Variants in TMEM52B observed in about 807,000 individuals in gnomAD.
TMEM52B encodes the protein transmembrane protein 52B, also known as chromosome 12 open reading frame 59.
TMEM52B carries 11 observed loss-of-function variants against 16.1 expected under a neutral mutation model. The observed-to-expected ratio is 0.68, with a 90% CI of 0.43 to 1.13. TMEM52B has a LOEUF of 1.13. Among genes scored for constraint, TMEM52B ranks in the 50% most tolerant of loss-of-function variants. The pLI is 0.00. For synonymous variants in TMEM52B, 101 were observed against 93.8 expected, an observed-to-expected ratio of 1.08 and a Z score of -0.45; for missense variants, 243 against 230.4, an observed-to-expected ratio of 1.05 and a Z score of -0.35.
At chr12:10,184,318 T>A (rs1195874645) in intron 2 of TMEM52B, among the ~76,000 whole-genome samples, 2 of 152,194 alleles carry the variant, frequency 1.3e-5, no homozygotes, top group Non-Finnish European at 2.9e-5. Context: ...CGGAGTTCTG[T>A]GAGCTGCTCT....
chr12:10,190,208 C>T lies in TMEM52B; in HGVS notation c.*68C>T, dbSNP rs1360079864. 1 of 1,274,576 alleles carries T rather than the reference C, an allele frequency of 7.8e-7. No homozygotes were observed. Among genetic ancestry groups the T allele is most frequent in the Non-Finnish European group, 1.0e-6 (1 of 985,272 alleles). The allele number at this position is 1,274,576 out of a possible 1,614,324, so 79.0% of individuals were successfully genotyped here. A position where few individuals can be genotyped will look rare whatever the true frequency, so the allele number is the denominator to read the frequency against. ...AGTCTGTGGGAAAATGGAACACATA[C>T]TTTTCTAACCCTCAGAAGTTTTAAG... On this transcript the variant is annotated 3_prime_UTR_variant, in exon 5 of 5. Coordinates refer to ENST00000543484, the MANE Select transcript of TMEM52B (RefSeq NM_001384896.1).
chr12:10,181,742 G>A (rs1252821027), intron 1 of TMEM52B, among the ~76,000 whole-genome samples: 5 of 151,660 alleles, frequency 3.3e-5, no homozygotes, highest in Non-Finnish European at 7.4e-5. Flanking sequence ...AAGAGTTCAT[G>A]GCCGGGCGCG....
At chr12:10,172,642 T>G (rs1192995558) in intron 1 of TMEM52B, among the ~76,000 whole-genome samples, 1 of 152,188 alleles carries the variant, frequency 6.6e-6, no homozygotes, top group Non-Finnish European at 1.5e-5. Flanking sequence ...TCCTGGGTGA[T>G]TTTAGAATTT....
chr12:10,171,875 T>C (rs1396928950), intron 1 of TMEM52B: 2 of 630,030 alleles, frequency 3.2e-6, no homozygotes, highest in East Asian at 2.7e-5. Context: ...TTCTTTTAAG[T>C]AAATGGTATT....
Position 10,172,983 on chromosome 12 carries a change from G to A in TMEM52B, c.-95+2132G>A, listed in dbSNP as rs139422862. Among the ~76,000 whole-genome samples, 62 of 152,198 alleles carry A rather than the reference G, an allele frequency of 4.1e-4. 1 individual carries two copies. In the East Asian group the frequency reaches 0.011, roughly 27 times the overall value. Reference sequence around the variant, plus strand: ...GTTGCTATAGGAATTCAAATGACACGCTGGTTAAAAATGACAAGCTTTGTA... The same window carrying A: ...GTTGCTATAGGAATTCAAATGACACACTGGTTAAAAATGACAAGCTTTGTA... On this transcript the variant is annotated intron_variant, in intron 1 of 5. Coordinates refer to the TMEM52B transcript ENST00000381923.
chr12:10,189,749 A>T, intron 4 of TMEM52B, 147 bp from the exon 5 acceptor site: 1 of 1,068,324 alleles, frequency 9.4e-7, no homozygotes, highest in East Asian at 2.5e-5. Context: ...GCTTCAAAGG[A>T]TATTCATAAA....
intron 2 of TMEM52B, among the ~76,000 whole-genome samples, chr12:10,184,902 T>C (rs1266286452): frequency 1.3e-5 from 2 of 151,934 alleles, no homozygotes; most frequent in Non-Finnish European, 2.9e-5. Flanking sequence ...TTAGTAGAGA[T>C]GGGGTTTCAC....
At chr12:10,188,223 T>G (rs11053662) in intron 4 of TMEM52B, among the ~76,000 whole-genome samples, 84,891 of 151,416 alleles carry the variant, frequency 0.56, 24,018 homozygotes, top group East Asian at 0.9. Context: ...GGTGGCTCAG[T>G]CCAAGGCGGG....
intron 1 of TMEM52B, among the ~76,000 whole-genome samples, 176 bp downstream of exon 1, chr12:10,179,804 T>C (rs949670070): frequency 6.6e-6 from 1 of 152,146 alleles, no homozygotes; most frequent in Non-Finnish European, 1.5e-5. Context: ...CATAGATGCA[T>C]GTGTGACTGA....
intron 3 of TMEM52B, 41 bp from the exon 4 acceptor site, chr12:10,186,379 C>T: frequency 6.5e-7 from 1 of 1,533,000 alleles, no homozygotes; most frequent in Non-Finnish European, 8.8e-7. Flanking sequence ...GGGAAAAAAG[C>T]CAGATCCCAG....
In TMEM52B at chr12:10,179,437, A is replaced by T; in HGVS notation, c.-138A>T. ...TAGGAGGAGACAGAGAGAACGAGAG[A>T]GAGAAAAGCTGATAAATTCCTGAGA... is the stretch of plus-strand genomic sequence containing the variant. On this transcript the variant is annotated 5_prime_UTR_variant, in exon 1 of 5. Transcript: ENST00000543484. 1 of 874,814 alleles carries T rather than the reference A, an allele frequency of 1.1e-6. No homozygotes were observed. Among genetic ancestry groups the T allele is most frequent in the Non-Finnish European group, 1.9e-6 (1 of 523,758 alleles). 54.2% of individuals were successfully genotyped at this position (874,814 alleles called of 1,614,324 possible). A position where few individuals can be genotyped will look rare whatever the true frequency, so the allele number is the denominator to read the frequency against.
At position 10,171,877 on chromosome 12, in the gene TMEM52B, A is replaced by G. The variant is rs1948721780; in HGVS notation, c.-95+1026A>G. On this transcript the variant is annotated intron_variant, in intron 1 of 5. Transcript: ENST00000381923. ...AGCCTTCTTGTTTTTCTTTTAAGTA[A>G]ATGGTATTAATTCTATTTTCCCATA... 6.3e-6 allele frequency: 4 copies of G among 633,924 alleles called. No homozygotes were observed. In the East Asian group the frequency reaches 1.1e-4, roughly 17 times the overall value. 39.3% of individuals were successfully genotyped at this position (633,924 alleles called of 1,614,324 possible).
intron 4 of TMEM52B, among the ~76,000 whole-genome samples, chr12:10,187,017 C>T (rs1010611402): frequency 4.6e-5 from 7 of 151,342 alleles, no homozygotes; most frequent in Non-Finnish European, 7.4e-5. Context: ...AGGCTTGATA[C>T]ACTAAATTTT....
upstream of TMEM52B, among the ~76,000 whole-genome samples, chr12:10,175,954 T>C (rs536755014): frequency 1.4e-4 from 22 of 152,352 alleles, 1 homozygote; most frequent in South Asian, 4.6e-3. Context: ...ACCAGTTGTA[T>C]AACAATTCCC....
intron 1 of TMEM52B, among the ~76,000 whole-genome samples, chr12:10,172,889 T>C (rs1039399443): frequency 1.3e-5 from 2 of 152,172 alleles, no homozygotes; most frequent in Admixed American, 6.5e-5. Context: ...AACATTGTTA[T>C]AGGAATTCAA....
At chr12:10,171,786 G>C (rs186690716) in intron 1 of TMEM52B, among the ~76,000 whole-genome samples, 29 of 152,304 alleles carry the variant, frequency 1.9e-4, no homozygotes, top group African/African-American at 7.0e-4. Context: ...ATAACATATA[G>C]AATAACCTGT....
At chr12:10,172,173 T>G (rs988608557) in intron 1 of TMEM52B, 4 of 779,906 alleles carry the variant, frequency 5.1e-6, no homozygotes, top group Non-Finnish European at 6.6e-6. Flanking sequence ...AAATAGCTAC[T>G]GTTATCTAAT....
rs1290625118 is a variant in TMEM52B, at chr12:10,190,760, T to G, written c.*620T>G. The G allele has an allele frequency of 6.4e-6, 1 of 156,142 alleles. No homozygotes were observed. Among genetic ancestry groups the G allele is most frequent in the Non-Finnish European group, 1.4e-5 (1 of 70,266 alleles). The allele number at this position is 156,142 out of a possible 1,614,324, so 9.7% of individuals were successfully genotyped here. On this transcript the variant is annotated 3_prime_UTR_variant, in exon 5 of 5. Transcript: ENST00000543484. ...TCTCTGGTCCTACCCCTCAGCAGTA[T>G]GAAAAACTCCATACTGTGCAGTCAC...
At position 10,189,906 on chromosome 12, in the gene TMEM52B, G is replaced by C. The variant is rs746552314; in HGVS notation, c.318G>C (p.Ser106=). ...CTTCTTTCTTCACAGCTCTGCAGTC[G>C]GTGTTTGGCCCTGCAGCTCGGAGGA... ...TLQSTITSLQ[S]VFGPAARRIL... The change falls in exon 5 of 5, where the codon TCG becomes TCC. Residue 106 remains serine (S), a synonymous_variant. Transcript: ENST00000543484. The C allele has an allele frequency of 6.2e-7, 1 of 1,613,802 alleles. No homozygotes were observed. The highest frequency in any genetic ancestry group is 8.5e-7 in the Non-Finnish European group (1 of 1,180,040).
Sources: gnomAD v4.1 joint callset for allele counts (sites outside exome capture counted in the v4.1 genomes callset) on GRCh38, gnomAD v4.1.1 for gene constraint, MANE v1.5 for transcripts, NCBI Gene and HGNC (gene_info 2026-07-23, HGNC 2026-07-21) for gene names.